The following STAT5B variants were observed in gnomAD, a reference collection of about 807,000 sequenced individuals.
STAT5B encodes the protein signal transducer and activator of transcription 5B, also known as transcription factor STAT5B.
In STAT5B, 21 loss-of-function variants were observed where a neutral mutation model predicts 107.8. That is an observed-to-expected ratio of 0.19 (90% confidence interval 0.14 to 0.28). The LOEUF (loss-of-function observed/expected upper bound fraction) is 0.28. Ranked by LOEUF, STAT5B falls within the 10% of genes least tolerant of loss-of-function variation. STAT5B has a pLI of 1.00. For missense variants in STAT5B, 565 were observed against 1,008.2 expected, an observed-to-expected ratio of 0.56 and a Z score of 5.95; for synonymous variants, 325 against 401.7, an observed-to-expected ratio of 0.81 and a Z score of 2.28.
chr17:42,224,750 T>G, intron 4 of STAT5B, 29 bp downstream of exon 4: 2 of 1,611,312 alleles, frequency 1.2e-6, no homozygotes, highest in Non-Finnish European at 1.7e-6. Flanking sequence ...ACTTCCCGAC[T>G]GCCCTCCCCA....
At chr17:42,267,350 G>C (rs118012571) in intron 1 of STAT5B, among the ~76,000 whole-genome samples, 9,966 of 152,150 alleles carry the variant, frequency 0.066, 459 homozygotes, top group Non-Finnish European at 0.092. Context: ...GTTATCACAA[G>C]AGATGACAGC....
In STAT5B at chr17:42,210,184, C is replaced by G; in HGVS notation, c.1893G>C (p.Trp631Cys). Residue 631 changes from tryptophan to cysteine, a missense_variant, in exon 15 of 19, where the codon TGG becomes TGC. Trp to Cys is a radical substitution (Grantham distance 215). This residue lies in a region of STAT5B where 38 missense variants were observed against 79.5 expected (regional missense o/e 0.48). Transcript: ENST00000293328. ...DSEIGGITIA[W>C]KFDSQERMFW... Reference sequence around the variant, plus strand: ...AGGGGCACTCACGAGAATCAAACTTCCAAGCAATGGTGATGCCGCCAATTT... The same window carrying G: ...AGGGGCACTCACGAGAATCAAACTTGCAAGCAATGGTGATGCCGCCAATTT... 1 of 1,614,162 alleles carries G rather than the reference C, an allele frequency of 6.2e-7. No homozygotes were observed.
At position 42,212,160 on chromosome 17, in the gene STAT5B, C is replaced by T; in HGVS notation, c.1504G>A (p.Val502Met). ...GRVPFAVPDKVLWPQLCEALN... is the reference protein window; with the variant it reads ...GRVPFAVPDKMLWPQLCEALN... Reference sequence around the variant, plus strand: ...GCCTCACACAGCTGTGGCCACAGCACTTTGTCAGGCACGGCAAATGGCACC... The same window carrying T: ...GCCTCACACAGCTGTGGCCACAGCATTTTGTCAGGCACGGCAAATGGCACC... Residue 502 changes from valine to methionine, a missense_variant, in exon 13 of 19, where the codon GTG becomes ATG. Val to Met is a conservative substitution (Grantham distance 21, BLOSUM62 1). Coordinates refer to ENST00000293328, the MANE Select transcript of STAT5B (RefSeq NM_012448.4). 6.2e-7 allele frequency: 1 copy of T among 1,614,150 alleles called. No homozygotes were observed.
chr17:42,231,121 A>G (rs2144294086), intron 2 of STAT5B, among the ~76,000 whole-genome samples: 2 of 152,274 alleles, frequency 1.3e-5, no homozygotes, highest in East Asian at 3.9e-4. Flanking sequence ...GAAATAAATT[A>G]TAATTAAATT....
Position 42,217,417 on chromosome 17 carries a change from T to G in STAT5B, c.1217A>C (p.His406Pro), listed in dbSNP as rs1598302111. 1 of 1,614,186 alleles carries G rather than the reference T, an allele frequency of 6.2e-7. No individual in the cohort carries two copies. Among genetic ancestry groups the G allele is most frequent in the African/African-American group, 1.3e-5 (1 of 75,038 alleles). ...ILNNCCVMEYHQATGTLSAHF... is the reference protein window; with the variant it reads ...ILNNCCVMEYPQATGTLSAHF... Reference sequence around the variant, plus strand: ...GGCACTAAGGGTGCCTGTGGCTTGGTGGTACTCCATGACGCAGCAGTTGTT... The same window carrying G: ...GGCACTAAGGGTGCCTGTGGCTTGGGGGTACTCCATGACGCAGCAGTTGTT... Residue 406 changes from histidine to proline, a missense_variant, in exon 10 of 19, where the codon CAC (histidine) becomes CCC (proline). Physicochemically the swap from His to Pro is moderately conservative, Grantham distance 77. Around this residue, in one of 11 missense-constraint regions of STAT5B, gnomAD observed 70 missense variants for 73.2 expected, o/e 0.96. Transcript: ENST00000293328.
At chr17:42,236,921 T>A (rs1214464308) in intron 1 of STAT5B, among the ~76,000 whole-genome samples, 1 of 152,224 alleles carries the variant, frequency 6.6e-6, no homozygotes, top group African/African-American at 2.4e-5. Flanking sequence ...ACCCGCCATC[T>A]TCTGCTTATT....
chr17:42,272,190 G>A (rs915186405), intron 1 of STAT5B: 1 of 152,218 alleles, frequency 6.6e-6, no homozygotes, highest in African/African-American at 2.4e-5. Flanking sequence ...TAAAGGAAGA[G>A]TTTTAAGGCT....
chr17:42,202,527 T>C, intron 17 of STAT5B, 80 bp from the exon 18 acceptor site: 1 of 1,539,878 alleles, frequency 6.5e-7, no homozygotes, highest in Non-Finnish European at 8.9e-7. Context: ...AGGGGTATCT[T>C]TGTCTTTCTC....
chr17:42,228,987 T>C (rs1482658728), intron 2 of STAT5B, among the ~76,000 whole-genome samples: 1 of 152,152 alleles, frequency 6.6e-6, no homozygotes, highest in Non-Finnish European at 1.5e-5. Context: ...GTCCATCAAA[T>C]AGTACACCCC....
intron 4 of STAT5B, among the ~76,000 whole-genome samples, 175 bp from the exon 5 acceptor site, chr17:42,223,731 A>C (rs1381540765): frequency 6.6e-6 from 1 of 152,170 alleles, no homozygotes; most frequent in Non-Finnish European, 1.5e-5. Context: ...AAAAGTGAGA[A>C]ACAGGTGAGC....
At chr17:42,220,240 C>G (rs564344904) in intron 5 of STAT5B, among the ~76,000 whole-genome samples, 2 of 152,244 alleles carry the variant, frequency 1.3e-5, no homozygotes, top group African/African-American at 4.8e-5. Flanking sequence ...CTTTCCTTTC[C>G]TGTGCCTTGG....
At chr17:42,262,736 CAG>C (rs1460469774) in intron 1 of STAT5B, among the ~76,000 whole-genome samples, 91 of 118,574 alleles carry the variant, frequency 7.7e-4, no homozygotes, top group Non-Finnish European at 4.2e-4. Context: ...AATAACTTAG[CAG>C]AGTGTGTATA....
chr17:42,266,998 A>G (rs1489791932), intron 1 of STAT5B, among the ~76,000 whole-genome samples: 1 of 152,214 alleles, frequency 6.6e-6, no homozygotes, highest in African/African-American at 2.4e-5. Flanking sequence ...GTTTCAGTCA[A>G]TGACAGACCA....
rs925901033 is a variant in STAT5B at position 42,261,066 on chromosome 17, G to A, written c.-11+15182C>T. On this transcript the variant is annotated intron_variant, in intron 1 of 18. Transcript: ENST00000293328. ...TGAGACTACAGACATGTGCCACCAC[G>A]CCCGGCTAATTTTTGTATTTTTAGT... Among the ~76,000 whole-genome samples the A allele has an allele frequency of 5.3e-5, 8 of 151,656 alleles. 1 individual carries two copies. The highest frequency in any genetic ancestry group is 1.5e-4 in the African/African-American group (6 of 41,266).
At chr17:42,246,404 A>T (rs184026711) in intron 1 of STAT5B, among the ~76,000 whole-genome samples, 193 of 152,184 alleles carry the variant, frequency 1.3e-3, no homozygotes, top group African/African-American at 1.9e-3. Context: ...TTATAAAAAA[A>T]TTTTTTTTAA....
intron 12 of STAT5B, among the ~76,000 whole-genome samples, chr17:42,213,121 T>G (rs1210101328): frequency 6.6e-6 from 1 of 152,266 alleles, no homozygotes; most frequent in Non-Finnish European, 1.5e-5. Context: ...CAGCCTCATC[T>G]TTAGCTATTA....
chr17:42,278,636 T>C (rs926921140), upstream of STAT5B, among the ~76,000 whole-genome samples: 1 of 152,112 alleles, frequency 6.6e-6, no homozygotes, highest in African/African-American at 2.4e-5. Context: ...CTCAGCCTTA[T>C]GAGTAACTGG....
At chr17:42,225,008 G>A (rs1255369532) in intron 3 of STAT5B, 140 bp from the exon 4 acceptor site, 5 of 793,354 alleles carry the variant, frequency 6.3e-6, no homozygotes, top group Non-Finnish European at 1.1e-5. Context: ...GGAACAAGAA[G>A]GCACATCATG....
At chr17:42,254,392 G>T (rs1329114031) in intron 1 of STAT5B, among the ~76,000 whole-genome samples, 1 of 152,012 alleles carries the variant, frequency 6.6e-6, no homozygotes, top group Non-Finnish European at 1.5e-5. Context: ...TACAGCCCAA[G>T]ATCCTGCTTT....
Sources: gnomAD v4.1 joint callset for allele counts (sites outside exome capture counted in the v4.1 genomes callset) on GRCh38, gnomAD v4.1.1 for gene constraint, gnomAD v4.1.1 regional missense constraint, MANE v1.5 for transcripts, NCBI Gene and HGNC (gene_info 2026-07-23, HGNC 2026-07-21) for gene names.